Variants in DPP6 observed in about 807,000 individuals in gnomAD.
The protein encoded by DPP6 is dipeptidyl peptidase like 6, also known as A-type potassium channel modulatory protein DPP6.
DPP6 carries 69 observed loss-of-function variants against 122.6 expected under a neutral mutation model. That is an observed-to-expected ratio of 0.56 (90% CI 0.46 to 0.69). The LOEUF is 0.69. DPP6 is among the 30% of genes least tolerant of loss of function. The pLI, the probability that DPP6 is intolerant of heterozygous loss-of-function variation, is 0.00. For missense variants in DPP6, 928 were observed against 1,116.9 expected, an observed-to-expected ratio of 0.83 and a Z score of 2.41; for synonymous variants, 418 against 433.1, an observed-to-expected ratio of 0.97 and a Z score of 0.43.
chr7:154,315,232 A>G (rs1037191262), intron 1 of DPP6, among the ~76,000 whole-genome samples: 1 of 152,214 alleles, frequency 6.6e-6, no homozygotes, highest in African/African-American at 2.4e-5. Flanking sequence ...TAGTAGTTAT[A>G]CAACAGGTGT....
At chr7:154,244,085 C>A (rs539139965) in intron 1 of DPP6, among the ~76,000 whole-genome samples, 1 of 151,960 alleles carries the variant, frequency 6.6e-6, no homozygotes, top group Non-Finnish European at 1.5e-5. Context: ...ACAAAGAGAA[C>A]CACTCCTATG....
intron 1 of DPP6, among the ~76,000 whole-genome samples, chr7:153,974,980 G>A (rs2129035116): frequency 6.6e-6 from 1 of 152,264 alleles, no homozygotes; most frequent in East Asian, 1.9e-4. Flanking sequence ...TCCAAGCGAG[G>A]GCTCACATTT....
intron 5 of DPP6, among the ~76,000 whole-genome samples, chr7:154,590,522 G>T (rs916972832): frequency 1.4e-4 from 10 of 73,260 alleles, no homozygotes; most frequent in Non-Finnish European, 2.7e-4. Flanking sequence ...TACTAATAAG[G>T]TAGATACTAT....
At position 154,002,223 on chromosome 7, in the gene DPP6, G is replaced by A. The variant is rs200087830; in HGVS notation, c.51+114489G>A. On this transcript the variant is annotated intron_variant, in intron 1 of 25. Transcript: ENST00000404039. ...GGCTTTCAGTCTTTTCATGTCATGCGTATTTTTGTATCCTACGGACAATGA... is the reference window on the plus strand; with the variant it reads ...GGCTTTCAGTCTTTTCATGTCATGCATATTTTTGTATCCTACGGACAATGA... 7.9e-4 allele frequency among the ~76,000 whole-genome samples: 120 copies of A among 151,952 alleles called. No homozygotes were observed. The East Asian group carries it at 0.016, about 20-fold the overall frequency.
chr7:154,707,909 TGGGAACTAC>T (rs1484074795), intron 7 of DPP6, among the ~76,000 whole-genome samples: 1 of 152,166 alleles, frequency 6.6e-6, no homozygotes, highest in Non-Finnish European at 1.5e-5. Context: ...GTGGGAATTA[TGGGAACTAC>T]AATTCAAGAT....
chr7:153,839,774 G>A, the DPP6 span, among the ~76,000 whole-genome samples: 1 of 152,196 alleles, frequency 6.6e-6, no homozygotes, highest in African/African-American at 2.4e-5. Flanking sequence ...GGACTCACTG[G>A]AAAACAGCTT....
At chr7:154,176,863 A>T (rs989692180) in intron 1 of DPP6, among the ~76,000 whole-genome samples, 1 of 151,670 alleles carries the variant, frequency 6.6e-6, no homozygotes, top group Non-Finnish European at 1.5e-5. Flanking sequence ...ATTTTTTGAG[A>T]CAGGGCCTCA....
chr7:154,446,467 T>C (rs536743606), intron 2 of DPP6, 139 bp downstream of exon 2: 1 of 510,240 alleles, frequency 2.0e-6, no homozygotes, highest in Admixed American at 4.0e-5. Flanking sequence ...CCATATGATA[T>C]AATATGGTTT....
intron 1 of DPP6, among the ~76,000 whole-genome samples, chr7:153,948,616 TTTA>T (rs1365158844): frequency 1.5e-3 from 161 of 109,322 alleles, no homozygotes; most frequent in East Asian, 5.3e-3. Context: ...TCACTGTTTT[TTTA>T]TTTTTATTTT....
At chr7:154,714,246 A>T (rs1841354319) in intron 7 of DPP6, among the ~76,000 whole-genome samples, 1 of 152,192 alleles carries the variant, frequency 6.6e-6, no homozygotes. Context: ...AAACTTTCCC[A>T]CATTTTCCTG....
At chr7:154,227,724 T>C (rs1018365908) in intron 1 of DPP6, among the ~76,000 whole-genome samples, 2 of 152,090 alleles carry the variant, frequency 1.3e-5, no homozygotes, top group African/African-American at 4.8e-5. Context: ...CAAGGACAGG[T>C]TCAGGGTGGG....
At chr7:154,308,751 A>C (rs982135875) in intron 1 of DPP6, among the ~76,000 whole-genome samples, 6 of 152,226 alleles carry the variant, frequency 3.9e-5, no homozygotes, top group Non-Finnish European at 7.3e-5. Context: ...AATAAATAAA[A>C]GTACAAATTT....
At chr7:154,353,918 A>G (rs1811072735) in intron 1 of DPP6, among the ~76,000 whole-genome samples, 1 of 152,184 alleles carries the variant, frequency 6.6e-6, no homozygotes, top group Admixed American at 6.5e-5. Flanking sequence ...TTTGTTTCCC[A>G]TTCTACTCTG....
chr7:153,907,384 A>G (rs1799895211), intron 1 of DPP6, among the ~76,000 whole-genome samples: 1 of 152,212 alleles, frequency 6.6e-6, no homozygotes. Context: ...ACAAACTGGC[A>G]TTCATCCAGA....
intron 1 of DPP6, among the ~76,000 whole-genome samples, chr7:154,299,732 G>A (rs1006597357): frequency 1.6e-4 from 24 of 152,136 alleles, no homozygotes; most frequent in South Asian, 2.1e-4. Flanking sequence ...CAAATCAGCC[G>A]GCAGGCCTAT....
intron 3 of DPP6, among the ~76,000 whole-genome samples, chr7:154,540,002 C>A (rs1289047755): frequency 6.6e-6 from 1 of 152,072 alleles, no homozygotes; most frequent in East Asian, 1.9e-4. Context: ...CTTGGTTGTT[C>A]ATCTACAAGA....
the DPP6 span, among the ~76,000 whole-genome samples, chr7:153,766,528 C>G: frequency 2.6e-5 from 4 of 152,114 alleles, no homozygotes; most frequent in African/African-American, 9.7e-5. Flanking sequence ...TAAACATGCT[C>G]AATAAATGTT....
chr7:154,628,109 G>A (rs1022048009), intron 5 of DPP6, among the ~76,000 whole-genome samples: 19 of 152,142 alleles, frequency 1.2e-4, no homozygotes, highest in African/African-American at 4.6e-4. Flanking sequence ...GTGGTTGCTG[G>A]TTCCATCTCA....
chr7:154,667,456 A>G (rs1165125108), intron 6 of DPP6, among the ~76,000 whole-genome samples: 1 of 152,220 alleles, frequency 6.6e-6, no homozygotes, highest in Admixed American at 6.5e-5. Flanking sequence ...GGCTGGGCAC[A>G]GTGGCTCACG....
Sources: allele counts gnomAD v4.1 joint callset (sites outside exome capture counted in the v4.1 genomes callset), GRCh38; gene constraint gnomAD v4.1.1; transcripts MANE v1.5; gene names NCBI Gene and HGNC (gene_info 2026-07-23, HGNC 2026-07-21).